DGLUCY: variants seen among roughly 807,000 people sequenced by gnomAD.
DGLUCY encodes the protein D-glutamate cyclase.
A neutral mutation model predicts 58.5 loss-of-function variants in DGLUCY; 58 were observed. The ratio of observed to expected loss-of-function variants is 0.99; its 90% CI spans 0.80 to 1.23. The LOEUF (loss-of-function observed/expected upper bound fraction) is 1.23. Among genes scored for constraint, DGLUCY ranks in the 50% most tolerant of loss-of-function variants. The pLI is 0.00. For missense variants in DGLUCY, 779 were observed against 784.7 expected, an observed-to-expected ratio of 0.99 and a Z score of 0.09; for synonymous variants, 325 against 314.1, an observed-to-expected ratio of 1.03 and a Z score of -0.37.
At chr14:91,111,290 A>G (rs12881372), upstream of DGLUCY, among the ~76,000 whole-genome samples, 1 of 62,798 alleles carries the variant, frequency 1.6e-5, no homozygotes, top group Admixed American at 1.7e-4. Flanking sequence ...ATATATATAT[A>G]TTTTTTTTTG....
At chr14:91,093,880 C>A (rs1028955204) in intron 1 of DGLUCY, among the ~76,000 whole-genome samples, 1 of 151,980 alleles carries the variant, frequency 6.6e-6, no homozygotes. Context: ...TGTATGGTTC[C>A]ATTTACATGA....
At chr14:91,216,104 G>T (rs912058947) in intron 13 of DGLUCY, 3 of 222,440 alleles carry the variant, frequency 1.3e-5, no homozygotes, top group African/African-American at 4.6e-5. Flanking sequence ...CGGGAGGAAT[G>T]GGGGGAGCAG....
chr14:91,167,560 C>G, intron 4 of DGLUCY, 182 bp downstream of exon 4: 1 of 803,014 alleles, frequency 1.2e-6, no homozygotes, highest in Non-Finnish European at 2.1e-6. Context: ...GACTCCTTCC[C>G]CTATCACCTG....
At chr14:91,175,766 A>C (rs1239078808) in intron 6 of DGLUCY, 168 bp from the exon 7 acceptor site, 3 of 636,556 alleles carry the variant, frequency 4.7e-6, no homozygotes. Context: ...GAGTAGCCTG[A>C]GTTGTCAAAG....
intron 12 of DGLUCY, among the ~76,000 whole-genome samples, chr14:91,212,308 A>C (rs1451362115): frequency 6.7e-6 from 1 of 149,870 alleles, no homozygotes; most frequent in Non-Finnish European, 1.5e-5. Context: ...GGAATTTGAG[A>C]CCAGCCTGGG....
At chr14:91,189,299 G>GC in intron 9 of DGLUCY, 129 bp downstream of exon 9, 1 of 1,250,804 alleles carries the variant, frequency 8.0e-7, no homozygotes, top group African/African-American at 1.5e-5. Flanking sequence ...AAGCTGCATA[G>GC]CTTGATTTCA....
chr14:91,139,513 C>T (rs1202649496), intron 1 of DGLUCY, among the ~76,000 whole-genome samples: 1 of 152,132 alleles, frequency 6.6e-6, no homozygotes, highest in Non-Finnish European at 1.5e-5. Context: ...GGTGAAACCC[C>T]GTCTCTACTA....
At chr14:91,170,257 C>T (rs2048505611) in intron 5 of DGLUCY, 56 bp downstream of exon 5, 1 of 1,563,906 alleles carries the variant, frequency 6.4e-7, no homozygotes, top group Admixed American at 1.8e-5. Context: ...TGCAGATCAA[C>T]TTACATATTC....
At chr14:91,096,344 G>T (rs955867185) in intron 1 of DGLUCY, among the ~76,000 whole-genome samples, 4 of 151,810 alleles carry the variant, frequency 2.6e-5, no homozygotes, top group Non-Finnish European at 4.4e-5. Context: ...ATTGCTTGAA[G>T]CTGGGAGGCG....
upstream of DGLUCY, among the ~76,000 whole-genome samples, chr14:91,103,881 G>A (rs573522686): frequency 2.3e-4 from 33 of 144,278 alleles, no homozygotes; most frequent in South Asian, 6.9e-3. Context: ...CCTTGTCCCC[G>A]CCCCCACCTC....
chr14:91,218,992 C>A (rs1340143162), intron 13 of DGLUCY, among the ~76,000 whole-genome samples: 2 of 151,680 alleles, frequency 1.3e-5, no homozygotes, highest in African/African-American at 4.8e-5. Context: ...CCAGCCTGGC[C>A]AATATGGTGA....
intron 1 of DGLUCY, among the ~76,000 whole-genome samples, chr14:91,066,523 C>G (rs2043825150): frequency 6.6e-6 from 1 of 152,052 alleles, no homozygotes; most frequent in African/African-American, 2.4e-5. Context: ...TCTATGTGGT[C>G]TCACCTATCC....
chr14:91,105,312 C>T (rs2044569990), upstream of DGLUCY, among the ~76,000 whole-genome samples: 1 of 152,010 alleles, frequency 6.6e-6, no homozygotes, highest in Non-Finnish European at 1.5e-5. Context: ...GAGACTCCAT[C>T]TCACACAAAA....
Position 91,213,082 on chromosome 14 carries a change from G to A in DGLUCY, c.1565-2323G>A, listed in dbSNP as rs139547444. ...GTCCAAGAGTTCCAGGTTACAGTGA[G>A]CTATGATTGTGCCACTGCACTCCAG... On this transcript the variant is annotated intron_variant, in intron 12 of 13. Coordinates refer to ENST00000256324, the MANE Select transcript of DGLUCY (RefSeq NM_001102368.3). 6.9e-4 allele frequency among the ~76,000 whole-genome samples: 105 copies of A among 151,742 alleles called. 2 individuals carry two copies. In the East Asian group the frequency reaches 0.019, roughly 28 times the overall value.
At chr14:91,176,950 TTTC>T (rs1566985446) in intron 7 of DGLUCY, among the ~76,000 whole-genome samples, 3 of 151,712 alleles carry the variant, frequency 2.0e-5, no homozygotes, top group African/African-American at 7.3e-5. Context: ...TCCCTTCTTC[TTTC>T]TTCTTTCTCT....
At chr14:91,131,219 G>C (rs2046007885) in intron 1 of DGLUCY, among the ~76,000 whole-genome samples, 1 of 152,132 alleles carries the variant, frequency 6.6e-6, no homozygotes, top group African/African-American at 2.4e-5. Context: ...CAAAATGCTA[G>C]GATTATAGAC....
intron 10 of DGLUCY, 130 bp from the exon 11 acceptor site, chr14:91,199,627 A>C (rs908060715): frequency 2.8e-6 from 3 of 1,080,060 alleles, no homozygotes; most frequent in Non-Finnish European, 4.0e-6. Flanking sequence ...ATGTGCCACC[A>C]AGTTCTGCAG....
chr14:91,133,559 A>G (rs781036683), intron 1 of DGLUCY, among the ~76,000 whole-genome samples: 42 of 152,086 alleles, frequency 2.8e-4, no homozygotes, highest in Non-Finnish European at 4.7e-4. Flanking sequence ...TAAAAATTAT[A>G]TATATTTTTT....
chr14:91,138,537 A>G (rs1022603265), intron 1 of DGLUCY, among the ~76,000 whole-genome samples: 2 of 152,194 alleles, frequency 1.3e-5, no homozygotes, highest in African/African-American at 2.4e-5. Flanking sequence ...TGGGTAACTT[A>G]TAAAGGAAAG....
Sources: allele counts gnomAD v4.1 joint callset (sites outside exome capture counted in the v4.1 genomes callset), GRCh38; gene constraint gnomAD v4.1.1; transcripts MANE v1.5; gene names NCBI Gene and HGNC (gene_info 2026-07-23, HGNC 2026-07-21).